The following AGBL1 variants were observed in gnomAD, a reference collection of about 807,000 sequenced individuals.
AGBL1 encodes the protein cytosolic carboxypeptidase 4.
AGBL1 carries 130 observed loss-of-function variants against 118.9 expected under a neutral mutation model. The ratio of observed to expected loss-of-function variants is 1.09; its 90% CI spans 0.95 to 1.26. AGBL1 has a LOEUF of 1.26. Ranked by LOEUF, AGBL1 falls within the 50% of genes most tolerant of loss-of-function variation. AGBL1 has a pLI of 0.00. For missense variants in AGBL1, 1,584 were observed against 1,298.1 expected, an observed-to-expected ratio of 1.22 and a Z score of -3.38; for synonymous variants, 555 against 478.9, an observed-to-expected ratio of 1.16 and a Z score of -2.08.
intron 18 of AGBL1, among the ~76,000 whole-genome samples, chr15:86,477,805 C>A (rs1008153283): frequency 6.6e-6 from 1 of 152,156 alleles, no homozygotes; most frequent in Admixed American, 6.5e-5. Flanking sequence ...ATCAATATCC[C>A]TGATGAACAT....
intron 23 of AGBL1, among the ~76,000 whole-genome samples, chr15:86,975,377 T>C (rs1596695682): frequency 6.6e-6 from 1 of 151,866 alleles, no homozygotes; most frequent in Non-Finnish European, 1.5e-5. Flanking sequence ...ATGAGACTTA[T>C]TCACCATCAC....
chr15:86,967,893 T>A lies in AGBL1; in HGVS notation c.3222-20094T>A, dbSNP rs555236218. Among the ~76,000 whole-genome samples, 7 of 152,236 alleles carry A rather than the reference T, an allele frequency of 4.6e-5. No homozygotes were observed. In the East Asian group the frequency reaches 1.4e-3, roughly 29 times the overall value. On this transcript the variant is annotated intron_variant, in intron 23 of 24. Coordinates refer to the AGBL1 transcript ENST00000441037. ...CATTGGTAGCTTGATGGGGATGGCATTGAATGTATAAATTACCTTGGGCAG... is the reference window on the plus strand; with the variant it reads ...CATTGGTAGCTTGATGGGGATGGCAATGAATGTATAAATTACCTTGGGCAG...
intron 21 of AGBL1, among the ~76,000 whole-genome samples, chr15:86,603,524 A>T (rs997115956): frequency 6.6e-6 from 1 of 152,016 alleles, no homozygotes; most frequent in Non-Finnish European, 1.5e-5. Context: ...ATTTTCTAAT[A>T]TCCATCCCTT....
chr15:87,011,779 A>T (rs1389427766), intron 24 of AGBL1, among the ~76,000 whole-genome samples: 3 of 152,226 alleles, frequency 2.0e-5, no homozygotes, highest in Admixed American at 2.0e-4. Flanking sequence ...TAAACTTGCA[A>T]CATTGGCTTA....
chr15:86,421,392 A>G (rs566672460), intron 18 of AGBL1, among the ~76,000 whole-genome samples: 5 of 152,228 alleles, frequency 3.3e-5, no homozygotes, highest in Non-Finnish European at 7.3e-5. Flanking sequence ...TCCTTTACAA[A>G]CAAGCAAATG....
At chr15:86,936,744 C>A (rs1221799750) in intron 23 of AGBL1, among the ~76,000 whole-genome samples, 1 of 152,078 alleles carries the variant, frequency 6.6e-6, no homozygotes, top group Non-Finnish European at 1.5e-5. Context: ...TAGGAACAGA[C>A]AAAGATTTCA....
At chr15:86,647,065 A>G (rs1261211280) in intron 21 of AGBL1, among the ~76,000 whole-genome samples, 1 of 152,186 alleles carries the variant, frequency 6.6e-6, no homozygotes, top group Admixed American at 6.5e-5. Flanking sequence ...TTTAAAACCC[A>G]TTTTTAAAAT....
At chr15:86,230,023 C>T (rs908905654) in intron 6 of AGBL1, among the ~76,000 whole-genome samples, 8 of 152,132 alleles carry the variant, frequency 5.3e-5, no homozygotes, top group African/African-American at 9.6e-5. Flanking sequence ...AAAGGAAGAG[C>T]GACAGAGAAG....
At chr15:86,854,717 A>C (rs1349690722) in intron 22 of AGBL1, among the ~76,000 whole-genome samples, 1 of 152,158 alleles carries the variant, frequency 6.6e-6, no homozygotes, top group African/African-American at 2.4e-5. Flanking sequence ...CTGAAATATA[A>C]ATAGAGCTTG....
intron 5 of AGBL1, among the ~76,000 whole-genome samples, chr15:86,222,743 T>C (rs932111696): frequency 6.6e-6 from 1 of 152,196 alleles, no homozygotes; most frequent in Admixed American, 6.5e-5. Context: ...GTGACACTTA[T>C]CATGCATTTC....
At chr15:86,887,547 T>G (rs1038863205) in intron 22 of AGBL1, among the ~76,000 whole-genome samples, 1 of 152,232 alleles carries the variant, frequency 6.6e-6, no homozygotes, top group South Asian at 2.1e-4. Flanking sequence ...ACAGGCATTA[T>G]GAGTTGAGTG....
chr15:86,354,827 A>C (rs1008059402), intron 17 of AGBL1, among the ~76,000 whole-genome samples: 24 of 152,224 alleles, frequency 1.6e-4, no homozygotes, highest in African/African-American at 5.8e-4. Flanking sequence ...GCCCAATGTA[A>C]TTGTACAAGC....
At chr15:86,306,009 A>AT (rs959725733) in intron 17 of AGBL1, among the ~76,000 whole-genome samples, 1 of 151,630 alleles carries the variant, frequency 6.6e-6, no homozygotes, top group Non-Finnish European at 1.5e-5. Flanking sequence ...TTTTAATTTA[A>AT]TTTTTTTTAT....
At chr15:86,518,457 G>C (rs1238339378) in intron 18 of AGBL1, among the ~76,000 whole-genome samples, 1 of 152,028 alleles carries the variant, frequency 6.6e-6, no homozygotes, top group Non-Finnish European at 1.5e-5. Flanking sequence ...CTTTAGTTAG[G>C]ACTAGTGCTG....
intron 23 of AGBL1, among the ~76,000 whole-genome samples, chr15:86,957,636 A>G (rs1359501154): frequency 1.3e-5 from 2 of 152,116 alleles, no homozygotes; most frequent in Non-Finnish European, 2.9e-5. Context: ...CCTGTAATAT[A>G]TTTAACAAAA....
At chr15:86,715,601 A>G (rs2086625687) in intron 22 of AGBL1, among the ~76,000 whole-genome samples, 2 of 152,156 alleles carry the variant, frequency 1.3e-5, no homozygotes, top group Non-Finnish European at 2.9e-5. Flanking sequence ...TATTCTCTGA[A>G]ATTTTTTGAG....
intron 18 of AGBL1, among the ~76,000 whole-genome samples, chr15:86,423,210 T>C (rs7174182): frequency 0.67 from 102,063 of 152,138 alleles, 36,358 homozygotes; most frequent in African/African-American, 0.91. Context: ...AAACTGAATC[T>C]AGCAGCACAT....
At chr15:86,190,099 T>C (rs1268236407) in intron 5 of AGBL1, among the ~76,000 whole-genome samples, 1 of 152,232 alleles carries the variant, frequency 6.6e-6, no homozygotes, top group Non-Finnish European at 1.5e-5. Context: ...TTGTTTTTCA[T>C]TGCATAGTGG....
At chr15:86,384,944 C>A (rs1344737593) in intron 17 of AGBL1, among the ~76,000 whole-genome samples, 1 of 152,156 alleles carries the variant, frequency 6.6e-6, no homozygotes, top group Non-Finnish European at 1.5e-5. Context: ...TGTCTCAGCT[C>A]TGTTCCATTG....
Sources: gnomAD v4.1 joint callset for allele counts (sites outside exome capture counted in the v4.1 genomes callset) on GRCh38, gnomAD v4.1.1 for gene constraint, MANE v1.5 for transcripts, NCBI Gene and HGNC (gene_info 2026-07-23, HGNC 2026-07-21) for gene names.